The following WNT3 variants were observed in gnomAD, a reference collection of about 807,000 sequenced individuals.
The protein encoded by WNT3 is proto-oncogene Wnt-3.
In WNT3, 7 loss-of-function variants were observed where a neutral mutation model predicts 34.2. The observed-to-expected ratio is 0.20, with a 90% confidence interval of 0.12 to 0.38. The LOEUF is 0.38. Among genes scored for constraint, WNT3 ranks in the 10% least tolerant of loss-of-function variants. The pLI, the probability that WNT3 is intolerant of heterozygous loss-of-function variation, is 1.00. For missense variants in WNT3, 267 were observed against 499.8 expected, an observed-to-expected ratio of 0.53 and a Z score of 4.44; for synonymous variants, 212 against 211.5, an observed-to-expected ratio of 1.00 and a Z score of -0.02.
chr17:46,771,577 T>C (rs1426702589), intron 2 of WNT3, among the ~76,000 whole-genome samples: 15 of 147,610 alleles, frequency 1.0e-4, no homozygotes, highest in Non-Finnish European at 2.1e-4. Context: ...CGGGGCCCGC[T>C]GGGCCGCTCA....
intron 1 of WNT3, among the ~76,000 whole-genome samples, chr17:46,808,175 A>C (rs1288221468): frequency 2.6e-5 from 4 of 152,220 alleles, no homozygotes; most frequent in African/African-American, 9.6e-5. Context: ...GGAGGCAGTG[A>C]TTTGATCAAG....
chr17:46,773,381 C>G (rs2059389901), intron 2 of WNT3, among the ~76,000 whole-genome samples: 1 of 152,074 alleles, frequency 6.6e-6, no homozygotes, highest in Non-Finnish European at 1.5e-5. Flanking sequence ...GGAAATGTCA[C>G]AAATGTCCAC....
chr17:46,805,988 G>C (rs904090364), intron 1 of WNT3, among the ~76,000 whole-genome samples: 3 of 152,176 alleles, frequency 2.0e-5, no homozygotes, highest in African/African-American at 7.2e-5. Context: ...TTTCTCATCT[G>C]TAGAATGGGG....
At chr17:46,806,828 C>T (rs1433838477) in intron 1 of WNT3, among the ~76,000 whole-genome samples, 2 of 152,254 alleles carry the variant, frequency 1.3e-5, no homozygotes, top group East Asian at 3.9e-4. Flanking sequence ...GGCCGCCGCT[C>T]CCCTCTGCTC....
intron 1 of WNT3, among the ~76,000 whole-genome samples, chr17:46,802,134 T>A (rs960791868): frequency 2.0e-5 from 3 of 152,224 alleles, no homozygotes; most frequent in African/African-American, 7.2e-5. Context: ...CCTAAAATCC[T>A]TAGAAACTCC....
At chr17:46,771,503 GGGGGC>G (rs2075793032) in intron 2 of WNT3, among the ~76,000 whole-genome samples, 1 of 149,422 alleles carries the variant, frequency 6.7e-6, no homozygotes, top group South Asian at 2.1e-4. Flanking sequence ...CGGGGGCGGC[GGGGGC>G]GGGGCGGGGA....
Position 46,818,668 on chromosome 17 carries a change from A to ACAAAGTC in WNT3, c.-78_-72dup. 2.9e-6 allele frequency: 4 copies of ACAAAGTC among 1,382,162 alleles called. No individual in the cohort carries two copies. The highest frequency in any genetic ancestry group is 2.0e-6 in the Non-Finnish European group (2 of 992,690). The allele number at this position is 1,382,162 out of a possible 1,614,324, so 85.6% of individuals were successfully genotyped here. The stretch of plus-strand genomic sequence containing the variant: ...GGGAGCGACGCCCCCAATAGTTGGA[A>ACAAAGTC]CAAAGTCCACTTGAGATTGGAAATG... On this transcript the variant is annotated 5_prime_UTR_variant, in exon 1 of 5. Coordinates refer to ENST00000225512, the MANE Select transcript of WNT3 (RefSeq NM_030753.5).
rs985420838 is a variant in WNT3 at position 46,769,884 on chromosome 17, C to T, written c.487G>A (p.Asp163Asn). The T allele has an allele frequency of 3.1e-6, 5 of 1,613,534 alleles. No individual in the cohort carries two copies. The African/African-American group carries it at 6.7e-5, about 22-fold the overall frequency. Residue 163 changes from aspartate to asparagine, a missense_variant, in exon 3 of 5, where the codon GAC (aspartate) becomes AAC (asparagine). Around this residue, in one of 3 missense-constraint regions of WNT3, gnomAD observed 181 missense variants for 391.3 expected, o/e 0.46. Coordinates refer to ENST00000225512, the MANE Select transcript of WNT3 (RefSeq NM_030753.5). ...WKWGGCSEDADFGVLVSREFA... is the reference protein window; with the variant it reads ...WKWGGCSEDANFGVLVSREFA... ...TCCCTGGACACTAACACGCCGAAGT[C>T]AGCGTCCTCGCTGCAGCCGCCCCAC...
chr17:46,801,352 G>A (rs2084122588), intron 1 of WNT3, among the ~76,000 whole-genome samples: 1 of 152,236 alleles, frequency 6.6e-6, no homozygotes, highest in Non-Finnish European at 1.5e-5. Context: ...GGGCACGGTG[G>A]CTCACGCCTG....
intron 4 of WNT3, among the ~76,000 whole-genome samples, chr17:46,765,434 C>T (rs2059303807): frequency 6.6e-6 from 1 of 152,242 alleles, no homozygotes; most frequent in African/African-American, 2.4e-5. Context: ...GTAAAAGCTA[C>T]AAAAAGCTAC....
rs1174138346 is a variant in WNT3, at chr17:46,764,373, G to C, written c.*257C>G. ...TCAGGTCTGTTCCTATCAGACCCTAGAGAACTAAAAAGAAAGCCCCCTTCT... is the reference window on the plus strand; with the variant it reads ...TCAGGTCTGTTCCTATCAGACCCTACAGAACTAAAAAGAAAGCCCCCTTCT... On this transcript the variant is annotated 3_prime_UTR_variant, in exon 5 of 5. Transcript: ENST00000225512. The C allele has an allele frequency of 6.6e-6, 1 of 152,556 alleles. No homozygotes were observed. Among genetic ancestry groups the C allele is most frequent in the Non-Finnish European group, 1.5e-5 (1 of 68,040 alleles). The allele number at this position is 152,556 out of a possible 1,614,324, so 9.5% of individuals were successfully genotyped here.
At chr17:46,799,716 G>A (rs2084100336) in intron 1 of WNT3, among the ~76,000 whole-genome samples, 1 of 152,130 alleles carries the variant, frequency 6.6e-6, no homozygotes, top group South Asian at 2.1e-4. Context: ...CCAAAATGTA[G>A]GGATTACAGG....
intron 1 of WNT3, among the ~76,000 whole-genome samples, chr17:46,779,088 CA>C (rs2059436572): frequency 1.3e-5 from 2 of 148,180 alleles, no homozygotes; most frequent in South Asian, 2.1e-4. Context: ...CACACACACA[CA>C]CACACACACA....
chr17:46,787,675 C>T (rs984337942), intron 1 of WNT3, among the ~76,000 whole-genome samples: 30 of 152,326 alleles, frequency 2.0e-4, no homozygotes, highest in East Asian at 3.9e-4. Context: ...TAGCCTCGGC[C>T]GGGCGCGGTG....
At chr17:46,794,504 G>A (rs979203296) in intron 1 of WNT3, among the ~76,000 whole-genome samples, 2 of 152,200 alleles carry the variant, frequency 1.3e-5, no homozygotes, top group African/African-American at 4.8e-5. Flanking sequence ...AGGAGCCAAA[G>A]AACATAGTCA....
intron 1 of WNT3, among the ~76,000 whole-genome samples, chr17:46,785,908 C>T (rs1451581804): frequency 6.6e-6 from 1 of 152,218 alleles, no homozygotes; most frequent in Non-Finnish European, 1.5e-5. Flanking sequence ...AGCTTCTGTT[C>T]TCCAAAGCAG....
In WNT3 at chr17:46,791,572, C is replaced by T. The variant is rs576791877; in HGVS notation, c.81-17663G>A. Among the ~76,000 whole-genome samples the T allele has an allele frequency of 4.0e-3, 602 of 152,324 alleles. 2 individuals are homozygous for T. The highest frequency in any genetic ancestry group is 6.4e-3 in the Non-Finnish European group (437 of 68,022). ...GCAGAGCCTCACCTCCTCTCCCACTCCCTTCCTTCCCCTCACTGTGTACAA... is the reference window on the plus strand; with the variant it reads ...GCAGAGCCTCACCTCCTCTCCCACTTCCTTCCTTCCCCTCACTGTGTACAA... On this transcript the variant is annotated intron_variant, in intron 1 of 4. Coordinates refer to ENST00000225512, the MANE Select transcript of WNT3 (RefSeq NM_030753.5).
At chr17:46,818,494 G>T (rs758950849) in intron 1 of WNT3, 24 bp downstream of exon 1, 2 of 1,591,274 alleles carry the variant, frequency 1.3e-6, no homozygotes, top group South Asian at 1.1e-5. Context: ...ACCGGGCCGC[G>T]GGCAGACAAG....
At chr17:46,808,130 C>A (rs1281030222) in intron 1 of WNT3, among the ~76,000 whole-genome samples, 2 of 152,152 alleles carry the variant, frequency 1.3e-5, no homozygotes, top group Non-Finnish European at 2.9e-5. Context: ...TTTACGCTAC[C>A]CTTTCTGTTT....
Sources: gnomAD v4.1 joint callset for allele counts (sites outside exome capture counted in the v4.1 genomes callset) on GRCh38, gnomAD v4.1.1 for gene constraint, gnomAD v4.1.1 regional missense constraint, MANE v1.5 for transcripts, NCBI Gene and HGNC (gene_info 2026-07-23, HGNC 2026-07-21) for gene names.